The following PRH1 variants were observed in gnomAD, a reference collection of about 807,000 sequenced individuals.
PRH1 encodes the protein salivary acidic proline-rich phosphoprotein 1/2.
A neutral mutation model predicts 7.9 loss-of-function variants in PRH1; 7 were observed. That is an observed-to-expected ratio of 0.89 (90% confidence interval 0.50 to 1.67). The LOEUF is 1.67. PRH1 is among the 40% of genes most tolerant of loss of function. The probability of loss-of-function intolerance (pLI) is 0.00; values close to 1 mark genes in which losing one functional copy is unlikely to be tolerated. For synonymous variants in PRH1, 45 were observed against 80.8 expected, an observed-to-expected ratio of 0.56 and a Z score of 2.38; for missense variants, 109 against 223.6, an observed-to-expected ratio of 0.49 and a Z score of 3.27.
intron 2 of PRH1, among the ~76,000 whole-genome samples, chr12:10,963,263 A>G (rs1008448290): frequency 6.6e-5 from 10 of 152,306 alleles, no homozygotes; most frequent in African/African-American, 2.4e-4. Context: ...AGAACTTGCT[A>G]TCACTGAATA....
intron 1 of PRH1, among the ~76,000 whole-genome samples, chr12:11,084,585 A>T (rs73064913): frequency 0.26 from 18,365 of 71,362 alleles, 1,954 homozygotes; most frequent in Non-Finnish European, 0.34. Context: ...TTACTTCATA[A>T]GCTTTCCAAA....
At chr12:11,028,204 G>A (rs1050649319) in intron 1 of PRH1, among the ~76,000 whole-genome samples, 26 of 152,226 alleles carry the variant, frequency 1.7e-4, no homozygotes, top group Non-Finnish European at 3.1e-4. Context: ...AGACAGAACA[G>A]CAGAGATGAT....
chr12:10,996,031 A>G (rs1318082527), intron 1 of PRH1, among the ~76,000 whole-genome samples: 2 of 152,070 alleles, frequency 1.3e-5, no homozygotes, highest in African/African-American at 2.4e-5. Context: ...TATATTAAAC[A>G]TAAAATAAGA....
In PRH1 at chr12:10,896,499, C is replaced by T. The variant is rs185418516; in HGVS notation, c.-58-12224G>A. ...GTTTTTGGCCAGGCACGGTGGCTCACGCCTGTAATCCCAGCACTTTGGAAG... is the reference window on the plus strand; with the variant it reads ...GTTTTTGGCCAGGCACGGTGGCTCATGCCTGTAATCCCAGCACTTTGGAAG... On this transcript the variant is annotated intron_variant, in intron 2 of 3. Coordinates refer to the PRH1 transcript ENST00000539853. Among the ~76,000 whole-genome samples, 322 of 152,144 alleles carry T rather than the reference C, an allele frequency of 2.1e-3. 2 individuals are homozygous for T. The highest frequency in any genetic ancestry group is 5.8e-3 in the Admixed American group (88 of 15,276).
intron 1 of PRH1, among the ~76,000 whole-genome samples, chr12:11,003,524 C>T (rs10772413): frequency 0.31 from 46,314 of 151,718 alleles, 8,929 homozygotes; most frequent in East Asian, 0.74. Flanking sequence ...TTATATGTTT[C>T]GCTTTACAGT....
intron 1 of PRH1, among the ~76,000 whole-genome samples, chr12:11,023,763 C>G (rs1941774746): frequency 6.6e-6 from 1 of 152,224 alleles, no homozygotes; most frequent in African/African-American, 2.4e-5. Flanking sequence ...CCTAAATCAG[C>G]CAAACTAGCG....
At chr12:11,023,925 T>C (rs1405037805) in intron 1 of PRH1, among the ~76,000 whole-genome samples, 1 of 152,186 alleles carries the variant, frequency 6.6e-6, no homozygotes, top group Non-Finnish European at 1.5e-5. Context: ...TTCTGCTAAA[T>C]CAGGAGTGTG....
At chr12:11,026,347 G>A (rs544097389) in intron 1 of PRH1, among the ~76,000 whole-genome samples, 5 of 152,082 alleles carry the variant, frequency 3.3e-5, no homozygotes, top group South Asian at 2.1e-4. Flanking sequence ...AGTTTTTGAA[G>A]GTCAGATACT....
intron 1 of PRH1, chr12:11,061,499 C>A (rs749695359): frequency 1.9e-6 from 3 of 1,614,002 alleles, no homozygotes; most frequent in African/African-American, 2.7e-5. Context: ...AATGCAATAG[C>A]TTCGCAGAAC....
intron 1 of PRH1, among the ~76,000 whole-genome samples, chr12:11,053,907 G>A (rs903784776): frequency 4.6e-5 from 7 of 152,086 alleles, no homozygotes; most frequent in African/African-American, 9.7e-5. Flanking sequence ...TGCAACCTCC[G>A]CCTCCAAGGT....
chr12:10,911,835 CA>C (rs1482011892), intron 2 of PRH1, among the ~76,000 whole-genome samples: 1 of 152,158 alleles, frequency 6.6e-6, no homozygotes, highest in Non-Finnish European at 1.5e-5. Context: ...CCTCCCATGG[CA>C]AGAAAGAGAA....
intron 1 of PRH1, among the ~76,000 whole-genome samples, chr12:10,987,701 C>CA (rs1035938152): frequency 4.0e-5 from 6 of 151,804 alleles, no homozygotes; most frequent in African/African-American, 1.2e-4. Context: ...AGACCCCCCC[C>CA]AAAAAAATGT....
chr12:11,069,987 A>G (rs745666609), intron 1 of PRH1, among the ~76,000 whole-genome samples: 2 of 152,124 alleles, frequency 1.3e-5, no homozygotes, highest in African/African-American at 4.8e-5. Flanking sequence ...ACACACATCC[A>G]TACCATCTGA....
At chr12:10,944,327 G>T (rs7961175) in intron 2 of PRH1, among the ~76,000 whole-genome samples, 3,047 of 151,982 alleles carry the variant, frequency 0.02, 35 homozygotes, top group South Asian at 0.032. Flanking sequence ...GGTATTTTTT[G>T]TGTGTGTGGC....
At chr12:10,986,865 G>T (rs777720984) in intron 1 of PRH1, 1 of 1,497,566 alleles carries the variant, frequency 6.7e-7, no homozygotes, top group South Asian at 1.4e-5. Context: ...TATCATATCT[G>T]AGCAGAAAAA....
At chr12:11,000,871 CTAT>C (rs1409927927) in intron 1 of PRH1, among the ~76,000 whole-genome samples, 2 of 151,796 alleles carry the variant, frequency 1.3e-5, no homozygotes, top group Non-Finnish European at 2.9e-5. Flanking sequence ...TTATTTTTTG[CTAT>C]TATTGTTTTA....
chr12:10,938,243 T>A (rs772975684), intron 2 of PRH1: 2 of 1,528,482 alleles, frequency 1.3e-6, no homozygotes, highest in Non-Finnish European at 1.8e-6. Context: ...GCTATTTTTT[T>A]TCTAATATAT....
chr12:11,037,833 A>C (rs34685383), intron 1 of PRH1, among the ~76,000 whole-genome samples: 28,280 of 151,844 alleles, frequency 0.19, 3,624 homozygotes, highest in Non-Finnish European at 0.27. Flanking sequence ...TGAGCACAAG[A>C]GTTCAAGCCC....
chr12:10,891,278 C>A (rs1949569718), intron 2 of PRH1, among the ~76,000 whole-genome samples: 1 of 152,064 alleles, frequency 6.6e-6, no homozygotes, highest in Non-Finnish European at 1.5e-5. Flanking sequence ...TTTGGGAGAT[C>A]CTTAATCTTT....
Sources: gnomAD v4.1 joint callset for allele counts (sites outside exome capture counted in the v4.1 genomes callset) on GRCh38, gnomAD v4.1.1 for gene constraint, MANE v1.5 for transcripts, NCBI Gene and HGNC (gene_info 2026-07-23, HGNC 2026-07-21) for gene names.